Variants in INO80 observed in about 807,000 individuals in gnomAD.
INO80 encodes the protein chromatin-remodeling ATPase INO80.
In INO80, 20 loss-of-function variants were observed where a neutral mutation model predicts 203.4. That is an observed-to-expected ratio of 0.10 (90% CI 0.07 to 0.14). The LOEUF is 0.14. Among genes scored for constraint, INO80 ranks in the 10% least tolerant of loss-of-function variants. The pLI, the probability that INO80 is intolerant of heterozygous loss-of-function variation, is 1.00. For missense variants in INO80, 1,419 were observed against 1,914.4 expected, an observed-to-expected ratio of 0.74 and a Z score of 4.83; for synonymous variants, 726 against 685.2, an observed-to-expected ratio of 1.06 and a Z score of -0.93.
chr15:40,989,619 G>A (rs146560676), intron 29 of INO80, among the ~76,000 whole-genome samples: 90 of 152,146 alleles, frequency 5.9e-4, no homozygotes, highest in African/African-American at 1.6e-3. Context: ...CTTAGATCTC[G>A]GTCTCTTTCC....
At chr15:41,037,237 G>A (rs1183831932) in intron 24 of INO80, among the ~76,000 whole-genome samples, 1 of 151,054 alleles carries the variant, frequency 6.6e-6, no homozygotes, top group Non-Finnish European at 1.5e-5. Context: ...GGCCGGGCAC[G>A]ATGGCTCAAG....
chr15:41,080,909 T>C (rs747187374), intron 8 of INO80, 111 bp downstream of exon 8: 17 of 731,392 alleles, frequency 2.3e-5, no homozygotes, highest in Non-Finnish European at 3.7e-5. Context: ...TACGAACTAT[T>C]AGATTCATGA....
intron 14 of INO80, among the ~76,000 whole-genome samples, chr15:41,068,502 G>A (rs959119269): frequency 2.0e-5 from 3 of 151,888 alleles, no homozygotes; most frequent in Non-Finnish European, 2.9e-5. Flanking sequence ...CAAAGGTTGC[G>A]GTGAGCAGAG....
At chr15:41,063,040 A>C (rs2045141191) in intron 14 of INO80, among the ~76,000 whole-genome samples, 2 of 152,170 alleles carry the variant, frequency 1.3e-5, no homozygotes, top group African/African-American at 4.8e-5. Context: ...TGGGCCAAAA[A>C]ATGTTTTTAA....
intron 31 of INO80, 109 bp from the exon 32 acceptor site, chr15:40,985,535 T>TTCTA: frequency 1.2e-6 from 1 of 832,664 alleles, no homozygotes; most frequent in Non-Finnish European, 2.0e-6. Flanking sequence ...CAAGTATCAC[T>TTCTA]TCTATCTGTT....
chr15:41,100,181 T>C (rs1352824716), intron 1 of INO80, among the ~76,000 whole-genome samples: 1 of 152,044 alleles, frequency 6.6e-6, no homozygotes, highest in African/African-American at 2.4e-5. Flanking sequence ...TTCACGCCAT[T>C]CTCCTGCCTC....
At chr15:41,101,675 G>C (rs1449641434) in intron 1 of INO80, among the ~76,000 whole-genome samples, 1 of 150,572 alleles carries the variant, frequency 6.6e-6, no homozygotes, top group African/African-American at 2.4e-5. Flanking sequence ...TCAGCCTCCC[G>C]AGTAGCTGGG....
intron 22 of INO80, 51 bp from the exon 23 acceptor site, chr15:41,047,552 C>A (rs766184537): frequency 7.7e-7 from 1 of 1,293,188 alleles, no homozygotes; most frequent in East Asian, 2.3e-5. Context: ...AGAGACGATG[C>A]TCAGTTAAAG....
At chr15:41,027,827 T>G in intron 24 of INO80, 91 bp from the exon 25 acceptor site, 1 of 948,870 alleles carries the variant, frequency 1.1e-6, no homozygotes, top group South Asian at 1.9e-5. Flanking sequence ...ACATCTAACT[T>G]TAAGAGCTTT....
At chr15:41,049,797 A>G (rs1417411877) in intron 20 of INO80, 138 bp downstream of exon 20, 1 of 744,378 alleles carries the variant, frequency 1.3e-6, no homozygotes, top group Non-Finnish European at 2.2e-6. Flanking sequence ...GAGGCAGGAG[A>G]ATTGCCTGAA....
chr15:41,050,287 C>A (rs1362703244), intron 19 of INO80, among the ~76,000 whole-genome samples, 185 bp from the exon 20 acceptor site: 2 of 152,188 alleles, frequency 1.3e-5, no homozygotes, highest in Non-Finnish European at 2.9e-5. Context: ...CCTTGGCCCT[C>A]TTCTCTTCAT....
In INO80 at chr15:41,045,078, G is replaced by T; in HGVS notation, c.2736-3C>A. 1 of 1,596,712 alleles carries T rather than the reference G, an allele frequency of 6.3e-7. No homozygotes were observed. Among genetic ancestry groups the T allele is most frequent in the South Asian group, 1.1e-5 (1 of 87,952 alleles). On this transcript the variant is annotated splice_polypyrimidine_tract_variant and splice_region_variant and intron_variant, in intron 23 of 35. Transcript: ENST00000648947. ...GAGACAGGAAAAGAGCTAACCATCTGAAACAAACCACAGCAGACACGCTTA... is the reference window on the plus strand; with the variant it reads ...GAGACAGGAAAAGAGCTAACCATCTTAAACAAACCACAGCAGACACGCTTA...
chr15:41,058,057 AG>A (rs1450339056), intron 16 of INO80, among the ~76,000 whole-genome samples: 2 of 152,140 alleles, frequency 1.3e-5, no homozygotes, highest in African/African-American at 4.8e-5. Flanking sequence ...AAAACCATCC[AG>A]GGTCTCAGAT....
At chr15:41,090,898 C>A in intron 5 of INO80, among the ~76,000 whole-genome samples, 3 of 148,786 alleles carry the variant, frequency 2.0e-5, no homozygotes, top group African/African-American at 2.5e-5. Flanking sequence ...AGTTTAATTT[C>A]ATTGATTCCA....
At chr15:41,091,508 T>TG (rs1356519616) in intron 5 of INO80, among the ~76,000 whole-genome samples, 3 of 152,122 alleles carry the variant, frequency 2.0e-5, no homozygotes, top group Non-Finnish European at 4.4e-5. Context: ...TTTTTCCTGA[T>TG]GCTCTCCCTC....
intron 16 of INO80, among the ~76,000 whole-genome samples, chr15:41,057,988 C>CA (rs1353394572): frequency 7.2e-5 from 11 of 152,086 alleles, no homozygotes; most frequent in African/African-American, 2.7e-4. Context: ...TTTGGGACCT[C>CA]AAAGGTATTG....
At chr15:41,045,414 T>C (rs2044738748) in intron 23 of INO80, among the ~76,000 whole-genome samples, 1 of 151,442 alleles carries the variant, frequency 6.6e-6, no homozygotes, top group Non-Finnish European at 1.5e-5. Flanking sequence ...GATGGCAAAA[T>C]ACAGTCTCTA....
At chr15:40,992,187 A>C (rs1178414846) in intron 29 of INO80, among the ~76,000 whole-genome samples, 1 of 152,244 alleles carries the variant, frequency 6.6e-6, no homozygotes, top group East Asian at 1.9e-4. Flanking sequence ...CAGAGGGCTA[A>C]AAGCTGTCCT....
intron 24 of INO80, among the ~76,000 whole-genome samples, chr15:41,038,459 C>T (rs1157821633): frequency 6.6e-6 from 1 of 152,182 alleles, no homozygotes; most frequent in Non-Finnish European, 1.5e-5. Flanking sequence ...GGATCTTTCT[C>T]CCTAAAAATC....
Sources: allele counts gnomAD v4.1 joint callset (sites outside exome capture counted in the v4.1 genomes callset), GRCh38; gene constraint gnomAD v4.1.1; transcripts MANE v1.5; gene names NCBI Gene and HGNC (gene_info 2026-07-23, HGNC 2026-07-21).